TFF2: variants seen among roughly 807,000 people sequenced by gnomAD.
The protein encoded by TFF2 is trefoil factor 2.
A neutral mutation model predicts 16.0 loss-of-function variants in TFF2; 19 were observed. That is an observed-to-expected ratio of 1.19 (90% CI 0.83 to 1.74). The LOEUF (loss-of-function observed/expected upper bound fraction) is 1.74, where lower values mean the gene tolerates loss of function less well. Ranked by LOEUF, TFF2 falls within the 40% of genes most tolerant of loss-of-function variation. TFF2 has a pLI of 0.00. For synonymous variants in TFF2, 61 were observed against 65.4 expected (o/e 0.93, Z 0.32); for missense variants, 168 against 166.8 (o/e 1.01, Z -0.04).
intron 2 of TFF2, among the ~76,000 whole-genome samples, chr21:42,348,892 G>A (rs1189961649): frequency 1.3e-5 from 2 of 150,990 alleles, no homozygotes; most frequent in African/African-American, 4.9e-5. Flanking sequence ...ACCAACCTGG[G>A]CTAGCCCTAG....
rs2052069364 is a variant in TFF2, at chr21:42,346,526, G to A, written c.*7C>T. 1 of 1,607,362 alleles carries A rather than the reference G, an allele frequency of 6.2e-7. No individual in the cohort carries two copies. Among genetic ancestry groups the A allele is most frequent in the Non-Finnish European group, 8.5e-7 (1 of 1,178,328 alleles). On this transcript the variant is annotated 3_prime_UTR_variant, in exon 4 of 4. Transcript: ENST00000291526. ...GAGCCAGATGCATCCTCTGGAACCAGCCTCTCTTAGTAATGGCAGTCTAGA... is the reference window on the plus strand; with the variant it reads ...GAGCCAGATGCATCCTCTGGAACCAACCTCTCTTAGTAATGGCAGTCTAGA...
At chr21:42,349,808 C>T in intron 2 of TFF2, 73 bp downstream of exon 2, 1 of 1,468,864 alleles carries the variant, frequency 6.8e-7, no homozygotes, top group Non-Finnish European at 9.2e-7. Flanking sequence ...CCGGCCCCTG[C>T]TCTGGGCTCC....
At chr21:42,346,594 G>C in intron 3 of TFF2, 48 bp from the exon 4 acceptor site, 3 of 1,579,088 alleles carry the variant, frequency 1.9e-6, no homozygotes, top group Non-Finnish European at 2.6e-6. Context: ...CCAGAAATGG[G>C]AGTGCCTAGG....
At chr21:42,348,721 G>A (rs1177431152) in intron 2 of TFF2, among the ~76,000 whole-genome samples, 1 of 151,070 alleles carries the variant, frequency 6.6e-6, no homozygotes, top group African/African-American at 2.4e-5. Context: ...GCTACCTCTA[G>A]ACTAACAGTC....
intron 2 of TFF2, among the ~76,000 whole-genome samples, chr21:42,348,319 T>C (rs192161710): frequency 3.9e-5 from 6 of 152,330 alleles, no homozygotes; most frequent in African/African-American, 1.4e-4. Flanking sequence ...CTTCACTTCC[T>C]TCCCTAACAT....
chr21:42,350,839 A>G, intron 1 of TFF2, 40 bp downstream of exon 1: 2 of 1,564,518 alleles, frequency 1.3e-6, no homozygotes, highest in Non-Finnish European at 1.7e-6. Context: ...CTTTAAGAGA[A>G]ATAAAGAAAG....
At chr21:42,347,452 G>A (rs758538116) in intron 3 of TFF2, 34 bp downstream of exon 3, 3 of 1,613,442 alleles carry the variant, frequency 1.9e-6, no homozygotes, top group African/African-American at 2.7e-5. Context: ...CATGGTGTCC[G>A]GGAACCAGAC....
intron 2 of TFF2, 33 bp downstream of exon 2, chr21:42,349,848 C>T (rs756949412): frequency 1.3e-6 from 2 of 1,557,838 alleles, no homozygotes; most frequent in Non-Finnish European, 1.7e-6. Flanking sequence ...GGGTTGCCAG[C>T]TGCTGGCCCA....
Position 42,347,589 on chromosome 21 carries a change from A to T in TFF2, c.273T>A (p.Cys91Ter). The change falls in exon 3 of 4, where the codon TGT becomes TGA. Residue 91 changes from cysteine to a stop codon, truncating the protein, a stop_gained. Coordinates refer to ENST00000291526, the MANE Select transcript of TFF2 (RefSeq NM_005423.5). LOFTEE classifies it high-confidence loss of function. Reference sequence around the variant, plus strand: ...CCTCGGGGCTGATGCCCGGGTAGCCACAGTTTCTTCGGTCTGAGACCTCCA... The same window carrying T: ...CCTCGGGGCTGATGCCCGGGTAGCCTCAGTTTCTTCGGTCTGAGACCTCCA... The part of the protein sequence containing the change: ...CVMEVSDRRN[C>*]GYPGISPEEC... 1 of 1,614,182 alleles carries T rather than the reference A, an allele frequency of 6.2e-7. No homozygotes were observed. The highest frequency in any genetic ancestry group is 2.2e-5 in the East Asian group (1 of 44,882).
intron 3 of TFF2, among the ~76,000 whole-genome samples, chr21:42,346,825 C>T (rs2052072316): frequency 6.6e-6 from 1 of 152,218 alleles, no homozygotes; most frequent in South Asian, 2.1e-4. Context: ...TGAAATATTT[C>T]GCTCTTTGGA....
chr21:42,349,290 A>G (rs2052094595), intron 2 of TFF2, among the ~76,000 whole-genome samples: 1 of 151,182 alleles, frequency 6.6e-6, no homozygotes, highest in Non-Finnish European at 1.5e-5. Context: ...CTAGGCTACT[A>G]GCCCCAGACT....
At chr21:42,346,695 C>G (rs1047040737) in intron 3 of TFF2, 149 bp from the exon 4 acceptor site, 2 of 826,144 alleles carry the variant, frequency 2.4e-6, no homozygotes, top group African/African-American at 1.8e-5. Context: ...GTAAAGGGAC[C>G]AAATCTTCCC....
rs757580151 is a variant in TFF2, at chr21:42,347,474, C to G, written c.376+12G>C. On this transcript the variant is annotated intron_variant, in intron 3 of 3. Transcript: ENST00000291526. The stretch of plus-strand genomic sequence containing the variant: ...TCCGGGAACCAGACAGAGAGTCCCA[C>G]AGCGACGTTACCTTCCACAGACTTC... 5 of 1,614,096 alleles carry G rather than the reference C, an allele frequency of 3.1e-6. No individual in the cohort carries two copies. The South Asian group carries it at 4.4e-5, about 14-fold the overall frequency.
intron 2 of TFF2, among the ~76,000 whole-genome samples, chr21:42,348,865 G>T (rs2146393689): frequency 6.7e-6 from 1 of 150,228 alleles, no homozygotes; most frequent in Non-Finnish European, 1.5e-5. Context: ...TAACCAACAT[G>T]GGCTAGCCCC....
At position 42,350,040 on chromosome 21, in the gene TFF2, G is replaced by A. The variant is rs943454756; in HGVS notation, c.80-10C>T. The A allele has an allele frequency of 1.7e-5, 27 of 1,593,014 alleles. No homozygotes were observed. Among genetic ancestry groups the A allele is most frequent in the Non-Finnish European group, 2.1e-5 (25 of 1,170,162 alleles). On this transcript the variant is annotated splice_polypyrimidine_tract_variant and intron_variant, in intron 1 of 3. Coordinates refer to ENST00000291526, the MANE Select transcript of TFF2 (RefSeq NM_005423.5). Reference sequence around the variant, plus strand: ...GAGCACTGGCAGGGGGCTGTGGAAAGACCCTCAGTCGGCCCCACCCTGGTA... The same window carrying A: ...GAGCACTGGCAGGGGGCTGTGGAAAAACCCTCAGTCGGCCCCACCCTGGTA...
chr21:42,348,659 T>G (rs761158473), intron 2 of TFF2, among the ~76,000 whole-genome samples: 10 of 151,884 alleles, frequency 6.6e-5, no homozygotes, highest in Non-Finnish European at 1.5e-4. Context: ...CTAACCAATC[T>G]GGGCTACCTC....
At chr21:42,346,581 AC>A in intron 3 of TFF2, 35 bp from the exon 4 acceptor site, 1 of 1,585,948 alleles carries the variant, frequency 6.3e-7, no homozygotes, top group Non-Finnish European at 8.6e-7. Flanking sequence ...TGGTAAGGGA[AC>A]CCCAGAAATG....
intron 2 of TFF2, among the ~76,000 whole-genome samples, chr21:42,348,239 G>A (rs563202760): frequency 5.9e-5 from 9 of 152,232 alleles, no homozygotes; most frequent in African/African-American, 2.2e-4. Flanking sequence ...TTGAGCACTC[G>A]TCGGCGTTAC....
In TFF2 at chr21:42,347,643, A is replaced by G; in HGVS notation, c.230-11T>C. The G allele has an allele frequency of 6.2e-7, 1 of 1,613,522 alleles. No homozygotes were observed. The highest frequency in any genetic ancestry group is 8.5e-7 in the Non-Finnish European group (1 of 1,179,886). The stretch of plus-strand genomic sequence containing the variant: ...CGCACTGATCCGACTCTGCCATGGG[A>G]CAGGCACAGCACCGAGACCCAGTCA... On this transcript the variant is annotated splice_polypyrimidine_tract_variant and intron_variant, in intron 2 of 3. Transcript: ENST00000291526.
Sources: gnomAD v4.1 joint callset for allele counts (sites outside exome capture counted in the v4.1 genomes callset) on GRCh38, gnomAD v4.1.1 for gene constraint, MANE v1.5 for transcripts, NCBI Gene and HGNC (gene_info 2026-07-23, HGNC 2026-07-21) for gene names.